Variants in EBF3 observed in about 807,000 individuals in gnomAD.
The protein encoded by EBF3 is EBF transcription factor 3.
A neutral mutation model predicts 77.1 loss-of-function variants in EBF3; 18 were observed. The ratio of observed to expected loss-of-function variants is 0.23; its 90% CI spans 0.16 to 0.35. The LOEUF is 0.35. Among genes scored for constraint, EBF3 ranks in the 10% least tolerant of loss-of-function variants. The pLI, the probability that EBF3 is intolerant of heterozygous loss-of-function variation, is 1.00. For missense variants in EBF3, 558 were observed against 860.0 expected (o/e 0.65, Z 4.39); for synonymous variants, 350 against 343.5 (o/e 1.02, Z -0.21).
At chr10:129,856,895 T>C (rs80079186) in intron 10 of EBF3, among the ~76,000 whole-genome samples, 4,494 of 152,306 alleles carry the variant, frequency 0.03, 94 homozygotes, top group East Asian at 0.071. Context: ...TGAATTAGAA[T>C]ATATGTGCCA....
chr10:129,870,456 A>G lies in EBF3; in HGVS notation c.782-2544T>C, dbSNP rs1256603767. Among the ~76,000 whole-genome samples, 1 of 151,880 alleles carries G rather than the reference A, an allele frequency of 6.6e-6. No homozygotes were observed. Among genetic ancestry groups the G allele is most frequent in the African/African-American group, 2.4e-5 (1 of 41,340 alleles). On this transcript the variant is annotated intron_variant, in intron 8 of 16. Coordinates refer to ENST00000440978, the MANE Select transcript of EBF3 (RefSeq NM_001375380.1). This position sits in a 1 kb window ranked among gnomAD's most constrained non-coding sequence, Gnocchi z 4.4. ...CCTGTGATGGGAGGCATCCCTGAAG[A>G]CAGATCCTGGTCTGCAGCTTTCAGC... is the stretch of plus-strand genomic sequence containing the variant.
chr10:129,892,445 T>C (rs996557149), intron 6 of EBF3, among the ~76,000 whole-genome samples: 28 of 152,336 alleles, frequency 1.8e-4, no homozygotes, highest in Non-Finnish European at 7.4e-5. Context: ...TTTGGGGATT[T>C]TGGTGCCACG....
intron 6 of EBF3, among the ~76,000 whole-genome samples, chr10:129,904,719 T>C (rs1855017978): frequency 6.8e-6 from 1 of 146,570 alleles, no homozygotes; most frequent in Non-Finnish European, 1.5e-5. Flanking sequence ...ACATAAGATT[T>C]ATATAGATCT....
rs754733701 is a variant in EBF3 at position 129,963,341 on chromosome 10, G to T, written c.291+26C>A. On this transcript the variant is annotated intron_variant, in intron 2 of 16. Coordinates refer to ENST00000440978, the MANE Select transcript of EBF3 (RefSeq NM_001375380.1). This position sits in a 1 kb window ranked among gnomAD's most constrained non-coding sequence, Gnocchi z 7.1. ...TGCCTCCCGCTTCTAGAAAGAGAGAGGGTGTGATCGTGTGTTTGCACTTAC... is the reference window on the plus strand; with the variant it reads ...TGCCTCCCGCTTCTAGAAAGAGAGATGGTGTGATCGTGTGTTTGCACTTAC... The T allele has an allele frequency of 3.2e-5, 51 of 1,569,366 alleles. No individual in the cohort carries two copies. The highest frequency in any genetic ancestry group is 4.4e-5 in the Non-Finnish European group (51 of 1,159,392).
At chr10:129,877,623 T>C (rs1200685926) in intron 7 of EBF3, 145 bp downstream of exon 7, 3 of 648,524 alleles carry the variant, frequency 4.6e-6, no homozygotes, top group Non-Finnish European at 5.3e-6. Flanking sequence ...TTTATTTGCA[T>C]ATTTTTATCA....
intron 10 of EBF3, among the ~76,000 whole-genome samples, chr10:129,850,635 G>C (rs2133990698): frequency 6.6e-6 from 1 of 152,318 alleles, no homozygotes. Context: ...TGGAAGCCCA[G>C]TGAGTTCACG....
chr10:129,932,864 G>A (rs1223566282), intron 6 of EBF3, among the ~76,000 whole-genome samples: 1 of 148,846 alleles, frequency 6.7e-6, no homozygotes, highest in African/African-American at 2.5e-5. Context: ...TATAACCAAG[G>A]CAAACAAACT....
intron 6 of EBF3, among the ~76,000 whole-genome samples, chr10:129,954,676 T>C (rs1858914565): frequency 6.6e-6 from 1 of 152,176 alleles, no homozygotes; most frequent in South Asian, 2.1e-4. Flanking sequence ...ATTATTGGTT[T>C]ATATCCTCAG....
At chr10:129,852,246 G>C (rs1421172733) in intron 10 of EBF3, among the ~76,000 whole-genome samples, 1 of 152,194 alleles carries the variant, frequency 6.6e-6, no homozygotes, top group African/African-American at 2.4e-5. Context: ...AGTTAATCTC[G>C]TTACTTTACA....
chr10:129,895,792 G>C lies in EBF3; in HGVS notation c.555-17943C>G, dbSNP rs528597227. Among the ~76,000 whole-genome samples, 7 of 152,160 alleles carry C rather than the reference G, an allele frequency of 4.6e-5. No individual in the cohort carries two copies. The South Asian group carries it at 1.2e-3, about 27-fold the overall frequency. ...CTATCATGGACAAGGACATGACACA[G>C]ATTATTTCTCTGCACATATTAGTTA... On this transcript the variant is annotated intron_variant, in intron 6 of 16. Transcript: ENST00000440978.
rs1849675487 is a variant in EBF3, at chr10:129,837,404, T to TAGTC, written c.*535_*538dup. On this transcript the variant is annotated 3_prime_UTR_variant, in exon 17 of 17. Coordinates refer to ENST00000440978, the MANE Select transcript of EBF3 (RefSeq NM_001375380.1). ...GCCACCCCAGTTTCTCCTCATCATA[T>TAGTC]AGTCATCCTTTTTTCCAGTCTGATG... 6.5e-6 allele frequency: 1 copy of TAGTC among 152,996 alleles called. No individual in the cohort carries two copies. Among genetic ancestry groups the TAGTC allele is most frequent in the Non-Finnish European group, 1.5e-5 (1 of 68,736 alleles). 9.5% of individuals were successfully genotyped at this position (152,996 alleles called of 1,614,324 possible).
At position 129,860,097 on chromosome 10, in the gene EBF3, G is replaced by A. The variant is rs140609574; in HGVS notation, c.1039+7044C>T. ...ATCCCCGCTTTATTCTGCACTTCAG[G>A]TGATCACACTTATTTTGTTCTAAAT... On this transcript the variant is annotated intron_variant, in intron 10 of 16. Transcript: ENST00000440978. Among the ~76,000 whole-genome samples, 27 of 152,146 alleles carry A rather than the reference G, an allele frequency of 1.8e-4. 1 individual carries two copies. In the East Asian group the frequency reaches 5.0e-3, roughly 28 times the overall value.
chr10:129,961,077 T>G (rs900591528), intron 4 of EBF3, among the ~76,000 whole-genome samples: 1 of 152,150 alleles, frequency 6.6e-6, no homozygotes, highest in African/African-American at 2.4e-5. Flanking sequence ...ACAAACTTTT[T>G]AAAGGGGAAA....
chr10:129,845,175 G>C (rs1301058378), intron 11 of EBF3, among the ~76,000 whole-genome samples: 1 of 152,204 alleles, frequency 6.6e-6, no homozygotes, highest in East Asian at 1.9e-4. Context: ...ATATCAGAGA[G>C]ACACAAAACG....
chr10:129,938,823 G>C lies in EBF3; in HGVS notation c.554+18435C>G, dbSNP rs1251014934. ...GGCCCATAAAACCAACCTGGGGAAAGAGAACAGAACTTTGGGGCAGAACCA... is the reference window on the plus strand; with the variant it reads ...GGCCCATAAAACCAACCTGGGGAAACAGAACAGAACTTTGGGGCAGAACCA... On this transcript the variant is annotated intron_variant, in intron 6 of 16. Transcript: ENST00000440978. The surrounding 1 kb of genome is among the most constrained non-coding windows in gnomAD (Gnocchi z 5.1). Among the ~76,000 whole-genome samples the C allele has an allele frequency of 6.6e-6, 1 of 152,138 alleles. No individual in the cohort carries two copies. Among genetic ancestry groups the C allele is most frequent in the Non-Finnish European group, 1.5e-5 (1 of 68,032 alleles).
intron 6 of EBF3, among the ~76,000 whole-genome samples, chr10:129,887,055 G>T (rs1437620044): frequency 3.0e-5 from 2 of 66,168 alleles, no homozygotes; most frequent in South Asian, 8.5e-4. Flanking sequence ...GGTTGTGGGC[G>T]GGGGGGGGGG....
intron 6 of EBF3, among the ~76,000 whole-genome samples, chr10:129,926,438 G>A (rs1009605202): frequency 6.6e-6 from 1 of 152,174 alleles, no homozygotes; most frequent in Admixed American, 6.5e-5. Context: ...TTGGACAGGT[G>A]GAGCTGGCAC....
In EBF3 at chr10:129,944,031, T is replaced by C. The variant is rs1026908226; in HGVS notation, c.554+13227A>G. Reference sequence around the variant, plus strand: ...GATTAACATTTCATCTCTAGTGTTATGTTATTATCGCCTTTATGTTTTAAT... The same window carrying C: ...GATTAACATTTCATCTCTAGTGTTACGTTATTATCGCCTTTATGTTTTAAT... On this transcript the variant is annotated intron_variant, in intron 6 of 16. Transcript: ENST00000440978. The surrounding 1 kb of genome is among the most constrained non-coding windows in gnomAD (Gnocchi z 5.1). Among the ~76,000 whole-genome samples, 24 of 152,244 alleles carry C rather than the reference T, an allele frequency of 1.6e-4. No individual in the cohort carries two copies. The highest frequency in any genetic ancestry group is 5.9e-4 in the Admixed American group (9 of 15,288).
intron 10 of EBF3, among the ~76,000 whole-genome samples, chr10:129,857,860 C>T (rs1038575443): frequency 6.6e-6 from 1 of 152,242 alleles, no homozygotes; most frequent in African/African-American, 2.4e-5. Flanking sequence ...TAGGAGAACA[C>T]TGGGAGCCAG....
Sources: gnomAD v4.1 joint callset for allele counts (sites outside exome capture counted in the v4.1 genomes callset) on GRCh38, gnomAD v4.1.1 for gene constraint, Gnocchi (gnomAD v3.1) non-coding constraint, MANE v1.5 for transcripts, NCBI Gene and HGNC (gene_info 2026-07-23, HGNC 2026-07-21) for gene names.